The following TEKT5 variants were observed in gnomAD, a reference collection of about 807,000 sequenced individuals.
The protein encoded by TEKT5 is tektin-5.
TEKT5 carries 52 observed loss-of-function variants against 48.7 expected under a neutral mutation model. The observed-to-expected ratio is 1.07, with a 90% confidence interval of 0.86 to 1.35. The LOEUF (loss-of-function observed/expected upper bound fraction) is 1.35. Ranked by LOEUF, TEKT5 falls within the 40% of genes most tolerant of loss-of-function variation. The pLI is 0.00. For synonymous variants in TEKT5, 318 were observed against 267.6 expected, an observed-to-expected ratio of 1.19 and a Z score of -1.84; for missense variants, 831 against 641.6, an observed-to-expected ratio of 1.30 and a Z score of -3.19.
intron 5 of TEKT5, among the ~76,000 whole-genome samples, chr16:10,636,140 C>T (rs771062136): frequency 2.6e-5 from 4 of 152,026 alleles, no homozygotes; most frequent in Non-Finnish European, 5.9e-5. Context: ...TTTGGGAGGC[C>T]GAGATGGGTG....
chr16:10,664,634 A>G (rs1423214906), intron 5 of TEKT5, among the ~76,000 whole-genome samples: 1 of 152,220 alleles, frequency 6.6e-6, no homozygotes, highest in Non-Finnish European at 1.5e-5. Flanking sequence ...GGCAATTCCA[A>G]TGTGGCACTA....
intron 6 of TEKT5, among the ~76,000 whole-genome samples, chr16:10,632,304 A>T (rs11647216): frequency 0.57 from 85,479 of 151,110 alleles, 24,738 homozygotes; most frequent in Non-Finnish European, 0.63. Flanking sequence ...AATTCAGTTT[A>T]TGGTTTTTTT....
chr16:10,642,763 C>T (rs144621875), intron 5 of TEKT5, among the ~76,000 whole-genome samples: 105 of 152,280 alleles, frequency 6.9e-4, no homozygotes, highest in African/African-American at 2.4e-3. Context: ...TGCTCTCACT[C>T]ATATGCAGAA....
chr16:10,689,059 C>T (rs1031947104), intron 3 of TEKT5, among the ~76,000 whole-genome samples, 194 bp downstream of exon 3: 3 of 151,860 alleles, frequency 2.0e-5, no homozygotes, highest in Admixed American at 6.6e-5. Context: ...TTTACACCAG[C>T]GAAACTGGCA....
intron 5 of TEKT5, among the ~76,000 whole-genome samples, chr16:10,663,419 T>C (rs1246454756): frequency 6.6e-6 from 1 of 152,202 alleles, no homozygotes; most frequent in African/African-American, 2.4e-5. Flanking sequence ...GTTTTCCAAA[T>C]TGCATGAAGC....
At chr16:10,687,130 G>T (rs991144291) in intron 3 of TEKT5, among the ~76,000 whole-genome samples, 32 of 152,102 alleles carry the variant, frequency 2.1e-4, no homozygotes, top group Non-Finnish European at 1.5e-5. Flanking sequence ...ATTTCAGTTC[G>T]TCAGGAGGAA....
chr16:10,665,205 T>A (rs1898437695), intron 5 of TEKT5, among the ~76,000 whole-genome samples: 1 of 151,658 alleles, frequency 6.6e-6, no homozygotes, highest in South Asian at 2.1e-4. Flanking sequence ...GGTGGAGGAG[T>A]CATCACTTGG....
intron 6 of TEKT5, among the ~76,000 whole-genome samples, chr16:10,633,648 T>C (rs1313614257): frequency 6.6e-6 from 1 of 152,126 alleles, no homozygotes; most frequent in Non-Finnish European, 1.5e-5. Flanking sequence ...GCTTAAGCAA[T>C]CCTTCTGCCT....
At chr16:10,628,268 G>T (rs1056133994) in intron 6 of TEKT5, among the ~76,000 whole-genome samples, 13 of 152,324 alleles carry the variant, frequency 8.5e-5, no homozygotes, top group African/African-American at 3.1e-4. Flanking sequence ...GGCAGAGGCA[G>T]AACAGGTAGA....
intron 5 of TEKT5, among the ~76,000 whole-genome samples, chr16:10,674,455 G>A (rs1269521180): frequency 2.6e-5 from 4 of 151,634 alleles, no homozygotes; most frequent in African/African-American, 4.8e-5. Context: ...GCAACATAGC[G>A]AAACCCTGTC....
intron 6 of TEKT5, among the ~76,000 whole-genome samples, chr16:10,634,526 G>A (rs1233810339): frequency 2.0e-5 from 3 of 152,282 alleles, no homozygotes; most frequent in East Asian, 1.9e-4. Context: ...CCCTGTTAGT[G>A]CCCATAGGAG....
chr16:10,652,724 C>CACACACA (rs1898184514), intron 5 of TEKT5, among the ~76,000 whole-genome samples: 4 of 104,442 alleles, frequency 3.8e-5, no homozygotes, highest in Non-Finnish European at 5.5e-5. Context: ...CACACACACA[C>CACACACA]CCTCCAGGCC....
At chr16:10,641,723 G>A (rs1897996687) in intron 5 of TEKT5, among the ~76,000 whole-genome samples, 1 of 152,204 alleles carries the variant, frequency 6.6e-6, no homozygotes, top group East Asian at 1.9e-4. Flanking sequence ...AAGGGAGGCT[G>A]AGGCAGGAGC....
At chr16:10,667,101 A>G (rs1055902826) in intron 5 of TEKT5, among the ~76,000 whole-genome samples, 2 of 150,386 alleles carry the variant, frequency 1.3e-5, no homozygotes, top group Non-Finnish European at 2.9e-5. Flanking sequence ...CTCCCACTTC[A>G]GCCTCCCAAG....
In TEKT5 at chr16:10,694,464, G is replaced by C. The variant is rs200520610; in HGVS notation, c.410C>G (p.Thr137Ser). The C allele has an allele frequency of 3.1e-6, 5 of 1,614,136 alleles. No individual in the cohort carries two copies. Among genetic ancestry groups the C allele is most frequent in the Non-Finnish European group, 4.2e-6 (5 of 1,180,032 alleles). Reference sequence around the variant, plus strand: ...CAGCCTCTGGCCCAGGTTCCGGCAGGTGCCCTCCTGCATCTGGTGCGTCAG... The same window carrying C: ...CAGCCTCTGGCCCAGGTTCCGGCAGCTGCCCTCCTGCATCTGGTGCGTCAG... The part of the protein sequence containing the change: ...DQLTHQMQEG[T>S]CRNLGQRLSD... The change falls in exon 1 of 7, where the codon ACC becomes AGC. Residue 137 changes from threonine (T) to serine (S), a missense_variant. Transcript: ENST00000283025.
intron 5 of TEKT5, among the ~76,000 whole-genome samples, chr16:10,644,175 G>A (rs577673455): frequency 2.0e-5 from 3 of 152,210 alleles, no homozygotes; most frequent in Non-Finnish European, 4.4e-5. Flanking sequence ...ACCCTGCTGA[G>A]CGTTTTTCAG....
chr16:10,689,397 A>C (rs1255365506), intron 2 of TEKT5, 74 bp from the exon 3 acceptor site: 1 of 1,327,538 alleles, frequency 7.5e-7, no homozygotes, highest in Non-Finnish European at 1.1e-6. Flanking sequence ...CAGAGCCCTC[A>C]GCTCTCCCCT....
At chr16:10,636,129 C>G (rs1387466827) in intron 5 of TEKT5, among the ~76,000 whole-genome samples, 1 of 152,138 alleles carries the variant, frequency 6.6e-6, no homozygotes, top group Non-Finnish European at 1.5e-5. Context: ...AATCCCAGCA[C>G]TTTGGGAGGC....
At position 10,689,263 on chromosome 16, in the gene TEKT5, T is replaced by C. The variant is rs758325448; in HGVS notation, c.709A>G (p.Ile237Val). ...QMRKLAQRID[I>V]QMRDNRDAQH... The stretch of plus-strand genomic sequence containing the variant: ...AAAAAAAGCCCTTACCGCATCTGGA[T>C]ATCAATTCTTTGAGCTAATTTTCTC... Residue 237 changes from isoleucine to valine, a missense_variant, in exon 3 of 7, where the codon ATC (isoleucine) becomes GTC (valine). Coordinates refer to ENST00000283025, the MANE Select transcript of TEKT5 (RefSeq NM_144674.2). The C allele has an allele frequency of 1.1e-5, 18 of 1,608,468 alleles. 1 individual carries two copies. The South Asian group carries it at 1.8e-4, about 16-fold the overall frequency.
Sources: allele counts gnomAD v4.1 joint callset (sites outside exome capture counted in the v4.1 genomes callset), GRCh38; gene constraint gnomAD v4.1.1; transcripts MANE v1.5; gene names NCBI Gene and HGNC (gene_info 2026-07-23, HGNC 2026-07-21).